KDM4C: variants seen among roughly 807,000 people sequenced by gnomAD.
The protein encoded by KDM4C is lysine-specific demethylase 4C.
In KDM4C, 81 loss-of-function variants were observed where a neutral mutation model predicts 129.3. The ratio of observed to expected loss-of-function variants is 0.63; its 90% CI spans 0.52 to 0.75. KDM4C has a LOEUF of 0.75. Ranked by LOEUF, KDM4C falls within the 30% of genes least tolerant of loss-of-function variation. KDM4C has a pLI of 0.00. For synonymous variants in KDM4C, 573 were observed against 456.1 expected (o/e 1.26, Z -3.26); for missense variants, 1,457 against 1,304.0 (o/e 1.12, Z -1.81).
chr9:7,089,608 T>G (rs763982705), intron 17 of KDM4C, among the ~76,000 whole-genome samples: 13 of 152,206 alleles, frequency 8.5e-5, no homozygotes, highest in Non-Finnish European at 1.0e-4. Context: ...GAAAATCATC[T>G]CTGGTTAAAA....
chr9:6,959,595 C>G (rs1024184409), intron 8 of KDM4C, among the ~76,000 whole-genome samples: 1 of 152,110 alleles, frequency 6.6e-6, no homozygotes, highest in African/African-American at 2.4e-5. Flanking sequence ...AAGTTTGTAT[C>G]TACTGTCATT....
At chr9:6,923,558 C>T (rs1821934470) in intron 8 of KDM4C, among the ~76,000 whole-genome samples, 2 of 152,038 alleles carry the variant, frequency 1.3e-5, no homozygotes, top group South Asian at 4.1e-4. Flanking sequence ...CCATGAATTC[C>T]AAGAATTGTA....
At chr9:7,074,499 A>C (rs186891777) in intron 17 of KDM4C, among the ~76,000 whole-genome samples, 14 of 152,264 alleles carry the variant, frequency 9.2e-5, no homozygotes, top group African/African-American at 3.4e-4. Context: ...TCTATTCTTG[A>C]ATCTCAATCA....
chr9:6,932,343 G>C (rs1341618785), intron 8 of KDM4C, among the ~76,000 whole-genome samples: 1 of 152,116 alleles, frequency 6.6e-6, no homozygotes, highest in Non-Finnish European at 1.5e-5. Flanking sequence ...ATTAGGGTTT[G>C]GATCATATTC....
intron 7 of KDM4C, among the ~76,000 whole-genome samples, chr9:6,888,676 A>G (rs568348519): frequency 6.6e-6 from 1 of 152,270 alleles, no homozygotes; most frequent in East Asian, 1.9e-4. Flanking sequence ...AGCTGATATG[A>G]AAAAAGGTTT....
At chr9:6,999,817 C>G (rs1307383233) in intron 12 of KDM4C, among the ~76,000 whole-genome samples, 1 of 152,128 alleles carries the variant, frequency 6.6e-6, no homozygotes, top group Non-Finnish European at 1.5e-5. Flanking sequence ...AAGTTCTTTT[C>G]CCTGCCAGTT....
rs147339405 is a variant in KDM4C at position 6,927,196 on chromosome 9, C to G, written c.921+33964C>G. ...CCTGGCTGTAGTGCAGTGGCATGGTCTTGGCTCACTGCAACCTCCTCTTCC... is the reference window on the plus strand; with the variant it reads ...CCTGGCTGTAGTGCAGTGGCATGGTGTTGGCTCACTGCAACCTCCTCTTCC... On this transcript the variant is annotated intron_variant, in intron 8 of 21. Transcript: ENST00000381309. Among the ~76,000 whole-genome samples, 635 of 152,138 alleles carry G rather than the reference C, an allele frequency of 4.2e-3. 3 individuals are homozygous for G. Among genetic ancestry groups the G allele is most frequent in the African/African-American group, 0.015 (602 of 41,488 alleles).
chr9:7,023,176 C>T (rs1271429977), intron 15 of KDM4C, among the ~76,000 whole-genome samples: 1 of 152,068 alleles, frequency 6.6e-6, no homozygotes, highest in Non-Finnish European at 1.5e-5. Context: ...TGGAAGTGTT[C>T]CCTCATCCTC....
At chr9:7,087,835 C>A (rs185078736) in intron 17 of KDM4C, among the ~76,000 whole-genome samples, 46 of 152,262 alleles carry the variant, frequency 3.0e-4, no homozygotes, top group Middle Eastern at 6.8e-3. Context: ...ATAGCTTCTA[C>A]AATTATTTAA....
rs564011027 is a variant in KDM4C, at chr9:6,813,962, A to G, written c.321-669A>G. 1.7e-3 allele frequency among the ~76,000 whole-genome samples: 252 copies of G among 152,284 alleles called. 2 individuals are homozygous for G. The highest frequency in any genetic ancestry group is 4.3e-3 in the South Asian group (21 of 4,830). On this transcript the variant is annotated intron_variant, in intron 3 of 21. Transcript: ENST00000381309. The stretch of plus-strand genomic sequence containing the variant: ...TGATGGATATAAACTTGTATTTTCA[A>G]TTAATGCTGCAGCAAACATCCTGGG...
At chr9:7,137,420 A>G (rs887629875) in intron 19 of KDM4C, among the ~76,000 whole-genome samples, 2 of 152,240 alleles carry the variant, frequency 1.3e-5, no homozygotes, top group Non-Finnish European at 2.9e-5. Flanking sequence ...TCACATCGTA[A>G]TATCAGATTG....
chr9:7,036,710 C>G (rs1211348184), intron 15 of KDM4C, among the ~76,000 whole-genome samples: 1 of 152,100 alleles, frequency 6.6e-6, no homozygotes, highest in Non-Finnish European at 1.5e-5. Context: ...TTATGACTTT[C>G]TCAATATTTT....
At chr9:6,771,154 C>T (rs1821759078) in intron 1 of KDM4C, among the ~76,000 whole-genome samples, 1 of 136,960 alleles carries the variant, frequency 7.3e-6, no homozygotes. Flanking sequence ...TCTCAAACTC[C>T]TGAGCTCAAG....
intron 1 of KDM4C, among the ~76,000 whole-genome samples, chr9:6,750,756 C>A (rs554162020): frequency 6.6e-6 from 1 of 152,330 alleles, no homozygotes; most frequent in South Asian, 2.1e-4. Context: ...GTTCTAGCTG[C>A]TATTACTGCA....
chr9:7,091,829 C>T (rs1482885333), intron 17 of KDM4C, among the ~76,000 whole-genome samples: 5 of 152,196 alleles, frequency 3.3e-5, no homozygotes, highest in African/African-American at 1.2e-4. Flanking sequence ...TGAGGCAGGC[C>T]TGACCAGGGA....
chr9:7,089,395 CAG>C (rs1022950882), intron 17 of KDM4C, among the ~76,000 whole-genome samples: 2 of 152,132 alleles, frequency 1.3e-5, no homozygotes, highest in African/African-American at 4.8e-5. Flanking sequence ...AGTATTGACT[CAG>C]TGGTATTTGT....
intron 1 of KDM4C, among the ~76,000 whole-genome samples, chr9:6,764,571 G>T (rs1169123112): frequency 6.6e-6 from 1 of 152,178 alleles, no homozygotes; most frequent in Non-Finnish European, 1.5e-5. Flanking sequence ...TGATTTCATG[G>T]AAGTGGATTA....
intron 19 of KDM4C, among the ~76,000 whole-genome samples, chr9:7,152,439 A>G (rs774248599): frequency 6.6e-6 from 1 of 152,268 alleles, no homozygotes; most frequent in Admixed American, 6.5e-5. Flanking sequence ...ACAAAATTAT[A>G]TATGTCCACG....
At chr9:6,913,251 A>G (rs1330796273) in intron 8 of KDM4C, among the ~76,000 whole-genome samples, 1 of 152,068 alleles carries the variant, frequency 6.6e-6, no homozygotes, top group Non-Finnish European at 1.5e-5. Context: ...ATATGAAATG[A>G]AAAATAAAAA....
Sources: allele counts gnomAD v4.1 joint callset (sites outside exome capture counted in the v4.1 genomes callset), GRCh38; gene constraint gnomAD v4.1.1; transcripts MANE v1.5; gene names NCBI Gene and HGNC (gene_info 2026-07-23, HGNC 2026-07-21).